The following LRRTM3 variants were observed in gnomAD, a reference collection of about 807,000 sequenced individuals.
LRRTM3 encodes the protein leucine-rich repeat transmembrane neuronal protein 3.
Under a neutral mutation model 44.7 loss-of-function variants are expected in LRRTM3, and 24 were observed. That is an observed-to-expected ratio of 0.54 (90% confidence interval 0.39 to 0.76). The LOEUF (loss-of-function observed/expected upper bound fraction) is 0.76, where lower values mean the gene tolerates loss of function less well. LRRTM3 is among the 30% of genes least tolerant of loss of function. The pLI is 0.00. For synonymous variants in LRRTM3, 277 were observed against 278.7 expected, an observed-to-expected ratio of 0.99 and a Z score of 0.06; for missense variants, 587 against 702.2, an observed-to-expected ratio of 0.84 and a Z score of 1.85.
At chr10:67,077,249 C>A (rs564909720) in intron 2 of LRRTM3, among the ~76,000 whole-genome samples, 30 of 152,296 alleles carry the variant, frequency 2.0e-4, no homozygotes, top group Admixed American at 2.0e-3. Flanking sequence ...TCCCTCCTCT[C>A]CAGAATGAAC....
intron 2 of LRRTM3, among the ~76,000 whole-genome samples, chr10:66,944,459 T>C (rs1351039068): frequency 6.6e-6 from 1 of 152,184 alleles, no homozygotes; most frequent in Non-Finnish European, 1.5e-5. Flanking sequence ...CCTCTCAAAG[T>C]CATCCATGAG....
intron 2 of LRRTM3, among the ~76,000 whole-genome samples, chr10:66,956,014 G>A (rs184409969): frequency 6.6e-6 from 1 of 152,208 alleles, no homozygotes; most frequent in East Asian, 1.9e-4. Context: ...GAGCCTTTAA[G>A]GGAATTCTGC....
intron 2 of LRRTM3, among the ~76,000 whole-genome samples, chr10:66,981,699 G>T (rs558100900): frequency 6.6e-6 from 1 of 152,300 alleles, no homozygotes; most frequent in African/African-American, 2.4e-5. Context: ...ACATCAAATG[G>T]ATGGAACCTA....
chr10:67,013,659 G>C (rs1004901993), intron 2 of LRRTM3, among the ~76,000 whole-genome samples: 2 of 152,116 alleles, frequency 1.3e-5, no homozygotes, highest in African/African-American at 4.8e-5. Flanking sequence ...ATACCATACA[G>C]TTAAATCTGA....
intron 2 of LRRTM3, among the ~76,000 whole-genome samples, chr10:67,021,613 A>G (rs1014742070): frequency 6.6e-6 from 1 of 152,112 alleles, no homozygotes; most frequent in African/African-American, 2.4e-5. Context: ...AACATGTAAA[A>G]ATGGAATAAA....
chr10:67,097,506 T>C (rs1858076227), intron 2 of LRRTM3, 81 bp from the exon 3 acceptor site: 1 of 1,264,654 alleles, frequency 7.9e-7, no homozygotes, highest in East Asian at 2.3e-5. Context: ...GTTAGTCAGG[T>C]CAGCACTTCA....
intron 2 of LRRTM3, among the ~76,000 whole-genome samples, chr10:66,939,967 A>G (rs1338078098): frequency 6.6e-6 from 1 of 151,764 alleles, no homozygotes; most frequent in Non-Finnish European, 1.5e-5. Context: ...CCCTATACGC[A>G]TCTTGCTTAA....
chr10:66,936,553 T>A (rs2132661572), intron 2 of LRRTM3, among the ~76,000 whole-genome samples: 2 of 152,268 alleles, frequency 1.3e-5, no homozygotes, highest in South Asian at 4.1e-4. Flanking sequence ...CTGCCTTGCC[T>A]GTTTTTCTAG....
At chr10:67,053,411 T>C (rs1458288273) in intron 2 of LRRTM3, among the ~76,000 whole-genome samples, 3 of 152,182 alleles carry the variant, frequency 2.0e-5, no homozygotes, top group Non-Finnish European at 4.4e-5. Context: ...TCTGGCAGAC[T>C]TGAAGAACAT....
At chr10:67,069,928 C>G (rs1445181683) in intron 2 of LRRTM3, among the ~76,000 whole-genome samples, 2 of 152,100 alleles carry the variant, frequency 1.3e-5, no homozygotes, top group Non-Finnish European at 2.9e-5. Flanking sequence ...GCATGTATAT[C>G]TAGAAGTAGA....
intron 2 of LRRTM3, among the ~76,000 whole-genome samples, chr10:67,006,750 T>G (rs1345071832): frequency 1.3e-5 from 2 of 152,140 alleles, no homozygotes; most frequent in African/African-American, 2.4e-5. Flanking sequence ...GTTCAAATTC[T>G]GTTTGATACA....
intron 2 of LRRTM3, among the ~76,000 whole-genome samples, chr10:66,994,462 A>G (rs12260524): frequency 3.7e-4 from 57 of 152,300 alleles, no homozygotes; most frequent in African/African-American, 1.3e-3. Context: ...TCATCCCTCA[A>G]TTACCAAATA....
chr10:67,013,423 T>C (rs936212283), intron 2 of LRRTM3, among the ~76,000 whole-genome samples: 1 of 152,204 alleles, frequency 6.6e-6, no homozygotes, highest in Non-Finnish European at 1.5e-5. Flanking sequence ...ATTGTTATCA[T>C]TTCCAATAAG....
At chr10:67,036,244 C>T (rs1401140412) in intron 2 of LRRTM3, among the ~76,000 whole-genome samples, 2 of 151,702 alleles carry the variant, frequency 1.3e-5, no homozygotes, top group East Asian at 3.9e-4. Flanking sequence ...CCTCAACCTC[C>T]TGGGCTCAAG....
chr10:67,058,255 T>C (rs1855556637), intron 2 of LRRTM3, among the ~76,000 whole-genome samples: 1 of 152,218 alleles, frequency 6.6e-6, no homozygotes, highest in South Asian at 2.1e-4. Flanking sequence ...TATTCTGGGA[T>C]TATGCAGATA....
chr10:67,011,055 C>T (rs763715057), intron 2 of LRRTM3, among the ~76,000 whole-genome samples: 1 of 152,018 alleles, frequency 6.6e-6, no homozygotes, highest in Non-Finnish European at 1.5e-5. Context: ...ATAGGCCAGG[C>T]GCGGTGGCTC....
chr10:67,082,319 A>G (rs944881358), intron 2 of LRRTM3, among the ~76,000 whole-genome samples: 2 of 152,212 alleles, frequency 1.3e-5, no homozygotes, highest in Non-Finnish European at 1.5e-5. Flanking sequence ...CATTGAAGTC[A>G]TAAGTGCTAG....
At chr10:67,050,164 C>T (rs1201524945) in intron 2 of LRRTM3, among the ~76,000 whole-genome samples, 1 of 152,174 alleles carries the variant, frequency 6.6e-6, no homozygotes, top group Non-Finnish European at 1.5e-5. Flanking sequence ...GCACATAGTG[C>T]ATGCAGAATG....
At chr10:67,094,738 A>G (rs1056406434) in intron 2 of LRRTM3, among the ~76,000 whole-genome samples, 1 of 151,758 alleles carries the variant, frequency 6.6e-6, no homozygotes, top group Admixed American at 6.6e-5. Context: ...ATCTTACTTG[A>G]CATTCCAATA....
Sources: allele counts gnomAD v4.1 joint callset (sites outside exome capture counted in the v4.1 genomes callset), GRCh38; gene constraint gnomAD v4.1.1; transcripts MANE v1.5; gene names NCBI Gene and HGNC (gene_info 2026-07-23, HGNC 2026-07-21).